The following CNTNAP5 variants were observed in gnomAD, a reference collection of about 807,000 sequenced individuals.
CNTNAP5 encodes the protein contactin-associated protein-like 5.
Under a neutral mutation model 150.2 loss-of-function variants are expected in CNTNAP5, and 72 were observed. That is an observed-to-expected ratio of 0.48 (90% CI 0.40 to 0.58). The LOEUF is 0.58. Among genes scored for constraint, CNTNAP5 ranks in the 20% least tolerant of loss-of-function variants. CNTNAP5 has a pLI of 0.00. For missense variants in CNTNAP5, 1,636 were observed against 1,626.2 expected (o/e 1.01, Z -0.10); for synonymous variants, 672 against 619.8 (o/e 1.08, Z -1.25).
intron 1 of CNTNAP5, among the ~76,000 whole-genome samples, chr2:124,197,699 C>T (rs1573828124): frequency 2.6e-5 from 4 of 152,178 alleles, no homozygotes; most frequent in East Asian, 1.9e-4. Context: ...ACAAACAATA[C>T]GGCCCGGCGC....
At chr2:124,042,056 T>A (rs1261396150) in intron 1 of CNTNAP5, among the ~76,000 whole-genome samples, 3 of 152,126 alleles carry the variant, frequency 2.0e-5, no homozygotes, top group African/African-American at 4.8e-5. Flanking sequence ...AGAAGGGTTT[T>A]CACCATGTTG....
At chr2:124,241,698 G>A (rs1435036356) in intron 2 of CNTNAP5, among the ~76,000 whole-genome samples, 2 of 152,064 alleles carry the variant, frequency 1.3e-5, no homozygotes, top group African/African-American at 4.8e-5. Context: ...CTTTGTATCT[G>A]CAGCACAATA....
At chr2:124,066,815 A>C (rs1188036299) in intron 1 of CNTNAP5, among the ~76,000 whole-genome samples, 18 of 152,264 alleles carry the variant, frequency 1.2e-4, no homozygotes, top group Non-Finnish European at 5.9e-5. Flanking sequence ...GCACTGTAAA[A>C]ATTATTTAAT....
In CNTNAP5 at chr2:124,500,243, A is replaced by T. The variant is rs186596582; in HGVS notation, c.1063-4049A>T. On this transcript the variant is annotated intron_variant, in intron 7 of 23. Coordinates refer to ENST00000682447, the MANE Select transcript of CNTNAP5 (RefSeq NM_001367498.1). ...GTTTAATCCGGGCACCTCATGGCAC[A>T]GTCGAGCTGACCAAGGAAAGACTGT... Among the ~76,000 whole-genome samples the T allele has an allele frequency of 9.5e-4, 145 of 152,308 alleles. 2 individuals are homozygous for T. The highest frequency in any genetic ancestry group is 2.2e-4 in the Non-Finnish European group (15 of 68,018).
chr2:124,642,970 C>T (rs1678125571), intron 12 of CNTNAP5, among the ~76,000 whole-genome samples: 1 of 152,142 alleles, frequency 6.6e-6, no homozygotes, highest in Non-Finnish European at 1.5e-5. Flanking sequence ...TTTGATGGCC[C>T]ATAACTCATA....
intron 3 of CNTNAP5, among the ~76,000 whole-genome samples, chr2:124,359,399 G>A (rs1162818745): frequency 1.3e-5 from 2 of 151,332 alleles, no homozygotes; most frequent in Non-Finnish European, 2.9e-5. Flanking sequence ...GTGATGTTAG[G>A]GTGTCAATTT....
intron 1 of CNTNAP5, among the ~76,000 whole-genome samples, chr2:124,158,256 A>C (rs1684591310): frequency 6.6e-6 from 1 of 152,178 alleles, no homozygotes; most frequent in Non-Finnish European, 1.5e-5. Context: ...AGTTGATGAG[A>C]TAATGTACAA....
At chr2:124,740,475 G>A (rs889072657) in intron 13 of CNTNAP5, among the ~76,000 whole-genome samples, 2 of 152,112 alleles carry the variant, frequency 1.3e-5, no homozygotes, top group African/African-American at 4.8e-5. Context: ...CAATCATTGG[G>A]GCTGGGTTGG....
At chr2:124,370,874 G>A (rs1690507291) in intron 3 of CNTNAP5, among the ~76,000 whole-genome samples, 1 of 152,146 alleles carries the variant, frequency 6.6e-6, no homozygotes, top group Non-Finnish European at 1.5e-5. Context: ...TGTGACACAA[G>A]AGTTGTCAGA....
At chr2:124,224,724 A>T (rs1339750697) in intron 2 of CNTNAP5, among the ~76,000 whole-genome samples, 2 of 152,106 alleles carry the variant, frequency 1.3e-5, no homozygotes, top group African/African-American at 4.8e-5. Context: ...TATTAAGATA[A>T]AACTTGAAAG....
At chr2:124,708,702 T>A (rs1445057743) in intron 13 of CNTNAP5, among the ~76,000 whole-genome samples, 1 of 152,154 alleles carries the variant, frequency 6.6e-6, no homozygotes, top group Non-Finnish European at 1.5e-5. Context: ...CTACTACCTT[T>A]ATCCTAAGAA....
intron 19 of CNTNAP5, among the ~76,000 whole-genome samples, chr2:124,814,408 T>C (rs773950551): frequency 6.6e-5 from 10 of 152,128 alleles, no homozygotes; most frequent in Admixed American, 2.0e-4. Context: ...ACAGAAATTG[T>C]CACAAGCACT....
intron 8 of CNTNAP5, among the ~76,000 whole-genome samples, 181 bp from the exon 9 acceptor site, chr2:124,524,122 A>G (rs576725390): frequency 6.2e-4 from 94 of 152,336 alleles, no homozygotes; most frequent in African/African-American, 2.0e-3. Flanking sequence ...ATTAGAATGA[A>G]GTGGCAAGAA....
intron 3 of CNTNAP5, among the ~76,000 whole-genome samples, chr2:124,263,475 T>C (rs1436169156): frequency 6.6e-6 from 1 of 152,228 alleles, no homozygotes; most frequent in Non-Finnish European, 1.5e-5. Context: ...GTTCATATCC[T>C]TTGCCCACTT....
At chr2:124,855,167 CTTTTTTT>C (rs70999224) in intron 19 of CNTNAP5, among the ~76,000 whole-genome samples, 3 of 71,480 alleles carry the variant, frequency 4.2e-5, no homozygotes, top group Non-Finnish European at 5.6e-5. Flanking sequence ...TGGGCTTTTG[CTTTTTTT>C]TTTTTTTTTT....
intron 21 of CNTNAP5, among the ~76,000 whole-genome samples, chr2:124,896,739 G>A (rs1393270076): frequency 4.6e-5 from 7 of 151,362 alleles, no homozygotes; most frequent in South Asian, 4.1e-4. Flanking sequence ...GGGTTTCACC[G>A]TGTTGGCCAG....
At chr2:124,330,994 G>A (rs931036776) in intron 3 of CNTNAP5, among the ~76,000 whole-genome samples, 1 of 152,084 alleles carries the variant, frequency 6.6e-6, no homozygotes, top group Non-Finnish European at 1.5e-5. Flanking sequence ...CATGAGTCCA[G>A]TTTTTGCATT....
chr2:124,263,117 T>TGCAC, intron 3 of CNTNAP5, among the ~76,000 whole-genome samples: 1 of 152,262 alleles, frequency 6.6e-6, no homozygotes. Context: ...CATACGTGTG[T>TGCAC]GTGTGCCTTT....
chr2:124,560,384 T>C (rs1256516832), intron 10 of CNTNAP5, among the ~76,000 whole-genome samples: 1 of 151,956 alleles, frequency 6.6e-6, no homozygotes, highest in African/African-American at 2.4e-5. Flanking sequence ...CTGGGCATGG[T>C]GGCAGGCTCC....
Sources: allele counts gnomAD v4.1 joint callset (sites outside exome capture counted in the v4.1 genomes callset), GRCh38; gene constraint gnomAD v4.1.1; transcripts MANE v1.5; gene names NCBI Gene and HGNC (gene_info 2026-07-23, HGNC 2026-07-21).